The following CIAO1 variants were observed in gnomAD, a reference collection of about 807,000 sequenced individuals.
CIAO1 encodes the protein cytosolic iron-sulfur assembly component 1, also known as probable cytosolic iron-sulfur protein assembly protein CIAO1.
A neutral mutation model predicts 43.1 loss-of-function variants in CIAO1; 32 were observed. The ratio of observed to expected loss-of-function variants is 0.74; its 90% confidence interval spans 0.56 to 1.00. The LOEUF (loss-of-function observed/expected upper bound fraction) is 1.00. CIAO1 is among the 50% of genes least tolerant of loss of function. CIAO1 has a pLI of 0.00. For missense variants in CIAO1, 415 were observed against 437.4 expected (o/e 0.95, Z 0.46); for synonymous variants, 183 against 171.4 (o/e 1.07, Z -0.53).
Position 96,266,252 on chromosome 2 carries a change from C to G in CIAO1, c.-99C>G. The G allele has an allele frequency of 8.1e-7, 1 of 1,237,954 alleles. No homozygotes were observed. Among genetic ancestry groups the G allele is most frequent in the Non-Finnish European group, 1.0e-6 (1 of 979,574 alleles). 76.7% of individuals were successfully genotyped at this position (1,237,954 alleles called of 1,614,324 possible). On this transcript the variant is annotated 5_prime_UTR_variant, in exon 1 of 7. Coordinates refer to ENST00000488633, the MANE Select transcript of CIAO1 (RefSeq NM_004804.3). ...CGGAAGCGGGAGCCTCTGTCGGCCG[C>G]GGAAGCCTGGAGTGGGCGGTACGCA...
At chr2:96,271,039 G>A in intron 6 of CIAO1, 72 bp from the exon 7 acceptor site, 3 of 1,588,912 alleles carry the variant, frequency 1.9e-6, no homozygotes, top group Non-Finnish European at 2.6e-6. Flanking sequence ...AAGAGAACAG[G>A]CCAGGAACTA....
chr2:96,272,515 A>G lies in CIAO1; in HGVS notation c.*1164A>G, dbSNP rs1249565633. 1 of 152,224 alleles carries G rather than the reference A, an allele frequency of 6.6e-6. No individual in the cohort carries two copies. Among genetic ancestry groups the G allele is most frequent in the Non-Finnish European group, 1.5e-5 (1 of 68,050 alleles). 9.4% of individuals were successfully genotyped at this position (152,224 alleles called of 1,614,324 possible). ...ATAGAACAAATAGCAATGGTTAACT[A>G]TTAAATGTTGACCTAGCCAGCGCAG... On this transcript the variant is annotated 3_prime_UTR_variant, in exon 7 of 7. Coordinates refer to ENST00000488633, the MANE Select transcript of CIAO1 (RefSeq NM_004804.3).
rs757517681 is a variant in CIAO1, at chr2:96,271,136, A to G, written c.805A>G (p.Thr269Ala). ...AWCQLTGALA[T>A]ACGDDAIRVF... ...GTGTCAGCTGACAGGGGCTCTGGCC[A>G]CAGCTTGTGGGGATGACGCGATCCG... The change falls in exon 7 of 7, where the codon ACA (threonine) becomes GCA (alanine). Residue 269 changes from threonine (T) to alanine (A), a missense_variant. Transcript: ENST00000488633. 1.2e-6 allele frequency: 2 copies of G among 1,614,200 alleles called. No homozygotes were observed. The highest frequency in any genetic ancestry group is 2.2e-5 in the South Asian group (2 of 91,088).
Position 96,266,311 on chromosome 2 carries a change from G to T in CIAO1, c.-40G>T, listed in dbSNP as rs183324092. ...CGGTGAGACCCGCTGTCTGCTCAGCGGACTCTGCCCGCCCCCACCTCCCCC... is the reference window on the plus strand; with the variant it reads ...CGGTGAGACCCGCTGTCTGCTCAGCTGACTCTGCCCGCCCCCACCTCCCCC... On this transcript the variant is annotated 5_prime_UTR_variant, in exon 1 of 7. Transcript: ENST00000488633. 1.5e-3 allele frequency: 1,995 copies of T among 1,359,000 alleles called. 7 individuals carry two copies. Among genetic ancestry groups the T allele is most frequent in the Non-Finnish European group, 1.7e-3 (1,805 of 1,042,258 alleles). 84.2% of individuals were successfully genotyped at this position (1,359,000 alleles called of 1,614,324 possible).
Position 96,271,236 on chromosome 2 carries a change from A to C in CIAO1, c.905A>C (p.His302Pro), listed in dbSNP as rs756234455. Residue 302 changes from histidine to proline, a missense_variant, in exon 7 of 7, where the codon CAT becomes CCT. By Grantham distance (77) the His-to-Pro change is moderately conservative (BLOSUM62 -2). Coordinates refer to ENST00000488633, the MANE Select transcript of CIAO1 (RefSeq NM_004804.3). ...CTGACAGCCCACTTGCATCAGGCCCATTCCCAGGATGTCAACTGTGTGGCC... is the reference window on the plus strand; with the variant it reads ...CTGACAGCCCACTTGCATCAGGCCCCTTCCCAGGATGTCAACTGTGTGGCC... The part of the protein sequence containing the change: ...FSLTAHLHQA[H>P]SQDVNCVAWN... 53 of 1,614,124 alleles carry C rather than the reference A, an allele frequency of 3.3e-5. No homozygotes were observed. Among genetic ancestry groups the C allele is most frequent in the African/African-American group, 5.3e-5 (4 of 74,946 alleles).
rs757801806 is a variant in CIAO1, at chr2:96,273,485, A to C, written c.*2134A>C. ...AAGACCAGCCTGGCCAATATGGTGA[A>C]AGTCCGTCTCTACTAAAATTACAAA... is the stretch of plus-strand genomic sequence containing the variant. On this transcript the variant is annotated 3_prime_UTR_variant, in exon 7 of 7. Coordinates refer to ENST00000488633, the MANE Select transcript of CIAO1 (RefSeq NM_004804.3). 6.6e-6 allele frequency: 1 copy of C among 151,996 alleles called. No homozygotes were observed. Among genetic ancestry groups the C allele is most frequent in the Non-Finnish European group, 1.5e-5 (1 of 68,012 alleles). 9.4% of individuals were successfully genotyped at this position (151,996 alleles called of 1,614,324 possible). A position where few individuals can be genotyped will look rare whatever the true frequency, so the allele number is the denominator to read the frequency against.
chr2:96,268,581 G>T lies in CIAO1; in HGVS notation c.614G>T (p.Ser205Ile). The change falls in exon 5 of 7, where the codon AGT becomes ATT. Residue 205 changes from serine (S) to isoleucine (I), a missense_variant. Ser to Ile is a moderately radical substitution (Grantham distance 142). Transcript: ENST00000488633. The part of the protein sequence containing the change: ...STVWSLAFDP[S>I]GQRLASCSDD... ...GTGTGGAGCTTGGCCTTTGACCCGA[G>T]TGGCCAGCGCCTGGCGTCTTGTAGT... 1 of 1,614,202 alleles carries T rather than the reference G, an allele frequency of 6.2e-7. No individual in the cohort carries two copies. The highest frequency in any genetic ancestry group is 8.5e-7 in the Non-Finnish European group (1 of 1,180,042).
At position 96,272,587 on chromosome 2, in the gene CIAO1, G is replaced by A. The variant is rs1441414246; in HGVS notation, c.*1236G>A. The A allele has an allele frequency of 3.3e-5, 5 of 152,230 alleles. No individual in the cohort carries two copies. The highest frequency in any genetic ancestry group is 5.9e-5 in the Non-Finnish European group (4 of 68,092). 9.4% of individuals were successfully genotyped at this position (152,230 alleles called of 1,614,324 possible). ...GCACTTTGGGAGGCTGAGGCGGGCG[G>A]ATCACCTGAGGTCGGGAGTTCGAGG... On this transcript the variant is annotated 3_prime_UTR_variant, in exon 7 of 7. Transcript: ENST00000488633.
In CIAO1 at chr2:96,267,306, G is replaced by A; in HGVS notation, c.140-15G>A. 3 of 1,605,814 alleles carry A rather than the reference G, an allele frequency of 1.9e-6. No individual in the cohort carries two copies. Among genetic ancestry groups the A allele is most frequent in the South Asian group, 1.1e-5 (1 of 90,526 alleles). On this transcript the variant is annotated splice_polypyrimidine_tract_variant and intron_variant, in intron 1 of 6. Coordinates refer to ENST00000488633, the MANE Select transcript of CIAO1 (RefSeq NM_004804.3). Reference sequence around the variant, plus strand: ...TGCACCCAGCTCCAGAGCCTGGCCTGCGCTCCGCCTTTAGGTGACAGCTGG... The same window carrying A: ...TGCACCCAGCTCCAGAGCCTGGCCTACGCTCCGCCTTTAGGTGACAGCTGG...
intron 6 of CIAO1, among the ~76,000 whole-genome samples, chr2:96,270,686 T>A (rs1684531281): frequency 6.8e-6 from 1 of 146,982 alleles, no homozygotes; most frequent in African/African-American, 2.5e-5. Context: ...GGCACATGCC[T>A]GTAGTCCCAG....
intron 6 of CIAO1, 23 bp from the exon 7 acceptor site, chr2:96,271,088 C>A: frequency 6.2e-7 from 1 of 1,613,918 alleles, no homozygotes; most frequent in South Asian, 1.1e-5. Context: ...CAGGTATACC[C>A]ACTGATGTCA....
chr2:96,267,759 G>A (rs752545271), intron 3 of CIAO1, 23 bp downstream of exon 3: 1 of 1,613,412 alleles, frequency 6.2e-7, no homozygotes, highest in East Asian at 2.2e-5. Flanking sequence ...CCCTCCAGGT[G>A]GATTGGGAAC....
chr2:96,270,802 T>TC (rs1684533958), intron 6 of CIAO1, among the ~76,000 whole-genome samples: 1 of 113,098 alleles, frequency 8.8e-6, no homozygotes, highest in South Asian at 3.2e-4. Context: ...ACAGCAAGAC[T>TC]CCATCTCAAA....
chr2:96,270,821 A>C (rs910056993), intron 6 of CIAO1, among the ~76,000 whole-genome samples: 3 of 152,110 alleles, frequency 2.0e-5, no homozygotes, highest in East Asian at 1.9e-4. Context: ...AAAAAAAAAA[A>C]AAAAAAACAA....
At chr2:96,268,198 A>G (rs1298238734) in intron 4 of CIAO1, among the ~76,000 whole-genome samples, 1 of 152,204 alleles carries the variant, frequency 6.6e-6, no homozygotes, top group African/African-American at 2.4e-5. Context: ...TACTAAAAAT[A>G]CAAAATTAGC....
intron 6 of CIAO1, among the ~76,000 whole-genome samples, chr2:96,269,991 C>G: frequency 6.6e-6 from 1 of 152,014 alleles, no homozygotes; most frequent in East Asian, 1.9e-4. Context: ...CTTGTGGAAG[C>G]TGGAAAAGCT....
rs1354399668 is a variant in CIAO1, at chr2:96,268,592, C to G, written c.625C>G (p.Leu209Val). ...SLAFDPSGQR[L>V]ASCSDDRTVR... ...GGCCTTTGACCCGAGTGGCCAGCGCCTGGCGTCTTGTAGTGATGACCGTAC... is the reference window on the plus strand; with the variant it reads ...GGCCTTTGACCCGAGTGGCCAGCGCGTGGCGTCTTGTAGTGATGACCGTAC... The change falls in exon 5 of 7, where the codon CTG (leucine) becomes GTG (valine). Residue 209 changes from leucine to valine, a missense_variant. By Grantham distance (32) the Leu-to-Val change is conservative (BLOSUM62 1). Transcript: ENST00000488633. The G allele has an allele frequency of 6.2e-7, 1 of 1,614,224 alleles. No homozygotes were observed. Among genetic ancestry groups the G allele is most frequent in the South Asian group, 1.1e-5 (1 of 91,082 alleles).
rs1684584767 is a variant in CIAO1 at position 96,273,104 on chromosome 2, A to G, written c.*1753A>G. The G allele has an allele frequency of 6.6e-6, 1 of 152,232 alleles. No homozygotes were observed. Among genetic ancestry groups the G allele is most frequent in the Non-Finnish European group, 1.5e-5 (1 of 68,048 alleles). The allele number at this position is 152,232 out of a possible 1,614,324, so 9.4% of individuals were successfully genotyped here. ...AGTGTTGCCAGTGATAAAGCTTTCA[A>G]GCAAAAATTGGAATTTCCGAAAATC... On this transcript the variant is annotated 3_prime_UTR_variant, in exon 7 of 7. Coordinates refer to ENST00000488633, the MANE Select transcript of CIAO1 (RefSeq NM_004804.3).
At position 96,267,472 on chromosome 2, in the gene CIAO1, A is replaced by G; in HGVS notation, c.288+3A>G. 1 of 1,613,978 alleles carries G rather than the reference A, an allele frequency of 6.2e-7. No individual in the cohort carries two copies. Among genetic ancestry groups the G allele is most frequent in the Non-Finnish European group, 8.5e-7 (1 of 1,179,850 alleles). On this transcript the variant is annotated splice_donor_region_variant and intron_variant, in intron 2 of 6. Transcript: ENST00000488633. ...AGAAGAACCAGGATGACTTTGAGGT[A>G]CCCAGGCTGGTTGGGACCAGAATTA...
Sources: allele counts gnomAD v4.1 joint callset (sites outside exome capture counted in the v4.1 genomes callset), GRCh38; gene constraint gnomAD v4.1.1; transcripts MANE v1.5; gene names NCBI Gene and HGNC (gene_info 2026-07-23, HGNC 2026-07-21).